The following SLC9D1 variants were observed in gnomAD, a reference collection of about 807,000 sequenced individuals.
SLC9D1 encodes the protein solute carrier family 9 member D1.
At chr13:113,508,579 G>A in the SLC9D1 span, among the ~76,000 whole-genome samples, 14 of 152,298 alleles carry the variant, frequency 9.2e-5, no homozygotes, top group Admixed American at 8.5e-4. Flanking sequence ...AGAGGGGGCC[G>A]AGCAGAGTAG....
chr13:113,495,928 G>A, the SLC9D1 span: 1 of 1,614,052 alleles, frequency 6.2e-7, no homozygotes, highest in Non-Finnish European at 8.5e-7. Flanking sequence ...GCTGTCTACG[G>A]ACTGCAGAGA....
At chr13:113,547,719 A>G in the SLC9D1 span, among the ~76,000 whole-genome samples, 1 of 152,178 alleles carries the variant, frequency 6.6e-6, no homozygotes, top group African/African-American at 2.4e-5. Context: ...TGGTGTAGGC[A>G]CTTTCTGTCT....
chr13:113,520,985 C>G, the SLC9D1 span, among the ~76,000 whole-genome samples: 28,117 of 152,050 alleles, frequency 0.18, 3,443 homozygotes, highest in African/African-American at 0.35. Flanking sequence ...GTAGTACCCA[C>G]TGATGGAGTA....
chr13:113,509,577 T>G, the SLC9D1 span, among the ~76,000 whole-genome samples: 1 of 152,246 alleles, frequency 6.6e-6, no homozygotes, highest in Non-Finnish European at 1.5e-5. Context: ...CACCCCAACT[T>G]TCACTTTCTG....
the SLC9D1 span, chr13:113,549,625 C>T: frequency 8.4e-6 from 13 of 1,543,662 alleles, no homozygotes; most frequent in East Asian, 4.5e-5. Context: ...CTGGGAAGCT[C>T]GCACCTTGGC....
chr13:113,526,015 C>T, the SLC9D1 span, among the ~76,000 whole-genome samples: 1 of 148,256 alleles, frequency 6.7e-6, no homozygotes, highest in Non-Finnish European at 1.5e-5. Context: ...AAGCCGTCGT[C>T]GTCGTAGGAG....
the SLC9D1 span, among the ~76,000 whole-genome samples, chr13:113,543,990 G>A: frequency 2.0e-5 from 3 of 152,284 alleles, no homozygotes; most frequent in East Asian, 5.8e-4. Flanking sequence ...TTTTGTTCTG[G>A]AGTCCAGGCA....
chr13:113,537,590 G>A, the SLC9D1 span, among the ~76,000 whole-genome samples: 1 of 152,242 alleles, frequency 6.6e-6, no homozygotes, highest in African/African-American at 2.4e-5. Context: ...TTGATGAACA[G>A]AAGTTCTTAA....
At chr13:113,503,070 T>C in the SLC9D1 span, among the ~76,000 whole-genome samples, 1 of 152,192 alleles carries the variant, frequency 6.6e-6, no homozygotes, top group Non-Finnish European at 1.5e-5. Flanking sequence ...GATTCAAGTA[T>C]AAAACACCAG....
the SLC9D1 span, among the ~76,000 whole-genome samples, chr13:113,496,514 A>G: frequency 6.6e-6 from 1 of 152,242 alleles, no homozygotes; most frequent in Non-Finnish European, 1.5e-5. Context: ...GACTTTGACC[A>G]AGTATGCTTT....
the SLC9D1 span, chr13:113,520,534 G>T: frequency 3.6e-6 from 3 of 832,070 alleles, no homozygotes; most frequent in South Asian, 4.0e-5. Flanking sequence ...AGTTATTTTG[G>T]AAGTGTGTAC....
the SLC9D1 span, among the ~76,000 whole-genome samples, chr13:113,532,235 T>A: frequency 2.0e-5 from 3 of 152,044 alleles, no homozygotes; most frequent in Non-Finnish European, 2.9e-5. Flanking sequence ...AGACAAGACA[T>A]CCGCAGCAGG....
the SLC9D1 span, chr13:113,536,613 ACT>A: frequency 3.1e-6 from 3 of 983,102 alleles, no homozygotes; most frequent in African/African-American, 1.8e-5. Flanking sequence ...CATTACAGTG[ACT>A]CTGCCCGGCT....
At chr13:113,522,107 G>C in the SLC9D1 span, among the ~76,000 whole-genome samples, 3 of 152,130 alleles carry the variant, frequency 2.0e-5, no homozygotes, top group Admixed American at 2.0e-4. Flanking sequence ...CCAGTACTTT[G>C]TTGAAAAAGA....
At chr13:113,537,159 A>G in the SLC9D1 span, among the ~76,000 whole-genome samples, 1 of 152,212 alleles carries the variant, frequency 6.6e-6, no homozygotes, top group Non-Finnish European at 1.5e-5. Flanking sequence ...TATTTTTTAT[A>G]TGCCGGCAGA....
chr13:113,548,463 T>TC, the SLC9D1 span: 88 of 1,598,210 alleles, frequency 5.5e-5, 2 homozygotes, highest in South Asian at 9.0e-4. Context: ...GTGAGTGGCT[T>TC]CCCCCCGCGG....
chr13:113,505,215 G>A, the SLC9D1 span: 4 of 152,046 alleles, frequency 2.6e-5, no homozygotes, highest in African/African-American at 9.7e-5. Context: ...TCCTTTGTCG[G>A]ATGTATAGAT....
At chr13:113,528,370 G>A in the SLC9D1 span, 2 of 152,260 alleles carry the variant, frequency 1.3e-5, no homozygotes, top group Non-Finnish European at 2.9e-5. Context: ...CCTCATGGCA[G>A]GCGGTGGGGT....
At chr13:113,522,520 T>G in the SLC9D1 span, among the ~76,000 whole-genome samples, 1 of 152,190 alleles carries the variant, frequency 6.6e-6, no homozygotes, top group African/African-American at 2.4e-5. Flanking sequence ...TTTTGTATTT[T>G]TAGTAGAGAC....
Sources: gnomAD v4.1 joint callset for allele counts (sites outside exome capture counted in the v4.1 genomes callset) on GRCh38, gnomAD v4.1.1 for gene constraint, MANE v1.5 for transcripts, NCBI Gene and HGNC (gene_info 2026-07-23, HGNC 2026-07-21) for gene names.